The following CMTM8 variants were observed in gnomAD, a reference collection of about 807,000 sequenced individuals.
The protein encoded by CMTM8 is CKLF-like MARVEL transmembrane domain-containing protein 8.
In CMTM8, 12 loss-of-function variants were observed where a neutral mutation model predicts 18.6. The observed-to-expected ratio is 0.65, with a 90% CI of 0.41 to 1.05. The LOEUF is 1.05. Among genes scored for constraint, CMTM8 ranks in the 50% least tolerant of loss-of-function variants. CMTM8 has a pLI of 0.00. For missense variants in CMTM8, 217 were observed against 227.2 expected, an observed-to-expected ratio of 0.95 and a Z score of 0.29; for synonymous variants, 87 against 90.6, an observed-to-expected ratio of 0.96 and a Z score of 0.23.
At chr3:32,319,074 A>ATATATATTTTTTTTTTTTTTTTTT in intron 1 of CMTM8, among the ~76,000 whole-genome samples, 4 of 31,530 alleles carry the variant, frequency 1.3e-4, no homozygotes, top group Non-Finnish European at 2.0e-4. Context: ...ATATATATAT[A>ATATATATTTTTTTTTTTTTTTTTT]TTTTTTTTTT....
chr3:32,259,616 C>T (rs1311487581), intron 1 of CMTM8: 38 of 1,309,566 alleles, frequency 2.9e-5, no homozygotes, highest in Non-Finnish European at 2.2e-6. Flanking sequence ...CCTACAAGCC[C>T]AGATTGCCAG....
intron 1 of CMTM8, among the ~76,000 whole-genome samples, chr3:32,339,796 T>C (rs1696458052): frequency 6.6e-6 from 1 of 152,096 alleles, no homozygotes; most frequent in Admixed American, 6.6e-5. Flanking sequence ...ACCCCATCTC[T>C]ACTAAAAATA....
In CMTM8 at chr3:32,357,481, T is replaced by G. The variant is rs769156424; in HGVS notation, c.256T>G (p.Phe86Val). ...VAVFYWVLTV[F>V]FLIIYITMTY... ...TGTATTTTACTGGGTCCTCACCGTCTTCTTCCTCATTATCTACATAACAAT... is the reference window on the plus strand; with the variant it reads ...TGTATTTTACTGGGTCCTCACCGTCGTCTTCCTCATTATCTACATAACAAT... Residue 86 changes from phenylalanine to valine, a missense_variant, in exon 2 of 4, where the codon TTC becomes GTC. Coordinates refer to ENST00000307526, the MANE Select transcript of CMTM8 (RefSeq NM_178868.5). 6 of 1,614,140 alleles carry G rather than the reference T, an allele frequency of 3.7e-6. No individual in the cohort carries two copies. The highest frequency in any genetic ancestry group is 3.3e-5 in the Admixed American group (2 of 60,016).
intron 1 of CMTM8, among the ~76,000 whole-genome samples, chr3:32,331,839 C>T (rs7623462): frequency 0.17 from 25,161 of 152,018 alleles, 2,224 homozygotes; most frequent in African/African-American, 0.22. Context: ...AATCAAACTC[C>T]TAGAAAGTAG....
chr3:32,274,165 C>T (rs1371798502), intron 1 of CMTM8, among the ~76,000 whole-genome samples: 1 of 151,868 alleles, frequency 6.6e-6, no homozygotes, highest in African/African-American at 2.4e-5. Flanking sequence ...CAGAAATTAG[C>T]CAGGCATGGT....
chr3:32,369,538 C>T (rs13317254), intron 3 of CMTM8, among the ~76,000 whole-genome samples: 4,336 of 152,224 alleles, frequency 0.028, 76 homozygotes, highest in South Asian at 0.056. Flanking sequence ...TTTATGTGAA[C>T]TGACACTGTA....
At chr3:32,272,842 C>T (rs1168133754) in intron 1 of CMTM8, among the ~76,000 whole-genome samples, 1 of 152,126 alleles carries the variant, frequency 6.6e-6, no homozygotes, top group Non-Finnish European at 1.5e-5. Context: ...TTTTAAGATC[C>T]CAGCTTTACA....
intron 1 of CMTM8, chr3:32,260,036 C>T: frequency 8.8e-7 from 1 of 1,142,388 alleles, no homozygotes; most frequent in Non-Finnish European, 1.3e-6. Context: ...CAAGGCCCTG[C>T]TGAACATCAA....
At chr3:32,241,111 G>A (rs918787257) in intron 1 of CMTM8, among the ~76,000 whole-genome samples, 4 of 151,994 alleles carry the variant, frequency 2.6e-5, no homozygotes, top group African/African-American at 9.7e-5. Context: ...TTAAAGATTC[G>A]GTCCTACAGG....
At chr3:32,289,777 A>G (rs1006702816) in intron 1 of CMTM8, among the ~76,000 whole-genome samples, 1 of 152,212 alleles carries the variant, frequency 6.6e-6, no homozygotes, top group African/African-American at 2.4e-5. Context: ...ATTTATATTC[A>G]TCGTAGGCCC....
chr3:32,337,126 A>G (rs1463079080), intron 1 of CMTM8, among the ~76,000 whole-genome samples: 1 of 152,154 alleles, frequency 6.6e-6, no homozygotes, highest in East Asian at 1.9e-4. Flanking sequence ...GGATTAATCC[A>G]TTTGTGAGAG....
chr3:32,315,807 A>T (rs561849888), intron 1 of CMTM8, among the ~76,000 whole-genome samples: 3 of 152,254 alleles, frequency 2.0e-5, no homozygotes, highest in Admixed American at 2.0e-4. Context: ...TGTAGTATTA[A>T]ATACTAATTC....
chr3:32,344,209 A>C (rs1398459858), intron 1 of CMTM8, among the ~76,000 whole-genome samples: 1 of 152,200 alleles, frequency 6.6e-6, no homozygotes, highest in East Asian at 1.9e-4. Context: ...GGTATTTCAG[A>C]GGTATGCTGA....
chr3:32,255,505 T>C (rs1480233250), intron 1 of CMTM8, among the ~76,000 whole-genome samples: 1 of 152,234 alleles, frequency 6.6e-6, no homozygotes, highest in African/African-American at 2.4e-5. Flanking sequence ...GTTCACACTA[T>C]TACTTTTCAT....
intron 1 of CMTM8, among the ~76,000 whole-genome samples, chr3:32,283,158 G>A (rs1431755936): frequency 1.3e-5 from 2 of 152,172 alleles, no homozygotes; most frequent in African/African-American, 4.8e-5. Context: ...ACAGGGGGAG[G>A]AAATGTTTAT....
intron 1 of CMTM8, among the ~76,000 whole-genome samples, chr3:32,274,299 C>CAAA (rs11391716): frequency 2.2e-5 from 3 of 135,094 alleles, no homozygotes; most frequent in African/African-American, 5.4e-5. Flanking sequence ...GACCCTGTCT[C>CAAA]AAAAAAAAAA....
intron 1 of CMTM8, among the ~76,000 whole-genome samples, chr3:32,305,020 C>T (rs1217394985): frequency 6.6e-6 from 1 of 152,162 alleles, no homozygotes; most frequent in African/African-American, 2.4e-5. Flanking sequence ...CTCTTTAAGA[C>T]AGAAATATTT....
intron 1 of CMTM8, among the ~76,000 whole-genome samples, chr3:32,337,803 G>C (rs1315905527): frequency 6.6e-6 from 1 of 152,076 alleles, no homozygotes; most frequent in East Asian, 1.9e-4. Context: ...AGAATCCAAG[G>C]CTACAAGGCA....
chr3:32,306,360 G>A (rs1439816596), intron 1 of CMTM8, among the ~76,000 whole-genome samples: 2 of 152,200 alleles, frequency 1.3e-5, no homozygotes, highest in Non-Finnish European at 2.9e-5. Flanking sequence ...CAAGGCACGA[G>A]TCCAATCCAC....
Sources: gnomAD v4.1 joint callset for allele counts (sites outside exome capture counted in the v4.1 genomes callset) on GRCh38, gnomAD v4.1.1 for gene constraint, MANE v1.5 for transcripts, NCBI Gene and HGNC (gene_info 2026-07-23, HGNC 2026-07-21) for gene names.